The following TP53I3 variants were observed in gnomAD, a reference collection of about 807,000 sequenced individuals.
TP53I3 encodes the protein tumor protein p53 inducible protein 3.
In TP53I3, 32 loss-of-function variants were observed where a neutral mutation model predicts 27.7. That is an observed-to-expected ratio of 1.16 (90% CI 0.87 to 1.55). The LOEUF is 1.55. Among genes scored for constraint, TP53I3 ranks in the 40% most tolerant of loss-of-function variants. TP53I3 has a pLI of 0.00. For missense variants in TP53I3, 372 were observed against 412.3 expected, an observed-to-expected ratio of 0.90 and a Z score of 0.85; for synonymous variants, 138 against 167.8, an observed-to-expected ratio of 0.82 and a Z score of 1.37.
chr2:24,083,792 G>A (rs1323882051), intron 1 of TP53I3, among the ~76,000 whole-genome samples: 1 of 152,146 alleles, frequency 6.6e-6, no homozygotes, highest in Non-Finnish European at 1.5e-5. Context: ...AAAGACCTCA[G>A]CTTGAATCCC....
At position 24,080,694 on chromosome 2, in the gene TP53I3, C is replaced by A; in HGVS notation, c.619+125G>T. 2 of 1,153,226 alleles carry A rather than the reference C, an allele frequency of 1.7e-6. No homozygotes were observed. The highest frequency in any genetic ancestry group is 2.5e-6 in the Non-Finnish European group (2 of 791,210). The allele number at this position is 1,153,226 out of a possible 1,614,324, so 71.4% of individuals were successfully genotyped here. ...AAATACCATAGTACTAGAATTTGGC[C>A]AGGGCAGCTGTTGTGCACTTAGCAG... On this transcript the variant is annotated intron_variant, in intron 3 of 4. Coordinates refer to ENST00000238721, the MANE Select transcript of TP53I3 (RefSeq NM_004881.5). This position sits in a 1 kb window ranked among gnomAD's most constrained non-coding sequence, Gnocchi z 4.7.
chr2:24,083,258 T>C, intron 1 of TP53I3, 106 bp from the exon 2 acceptor site: 1 of 1,435,368 alleles, frequency 7.0e-7, no homozygotes, highest in Non-Finnish European at 9.4e-7. Context: ...CAAAAATAAA[T>C]TTCAGAATGA....
At chr2:24,083,704 GA>G (rs1665118771) in intron 1 of TP53I3, among the ~76,000 whole-genome samples, 1 of 152,178 alleles carries the variant, frequency 6.6e-6, no homozygotes, top group South Asian at 2.1e-4. Flanking sequence ...TCAGACAGAA[GA>G]AAATTCTTAA....
chr2:24,084,339 C>T lies in TP53I3; in HGVS notation c.-13G>A, dbSNP rs769183724. ...GCACGGCTAACATATTGTCTGAGGACACAGGGCAGGGCAGGGCAGGACAGG... is the reference window on the plus strand; with the variant it reads ...GCACGGCTAACATATTGTCTGAGGATACAGGGCAGGGCAGGGCAGGACAGG... On this transcript the variant is annotated 5_prime_UTR_variant, in exon 1 of 5. Transcript: ENST00000238721. This position sits in a 1 kb window ranked among gnomAD's most constrained non-coding sequence, Gnocchi z 8.4. The T allele has an allele frequency of 3.7e-6, 6 of 1,603,892 alleles. No individual in the cohort carries two copies. The highest frequency in any genetic ancestry group is 1.3e-5 in the African/African-American group (1 of 74,604).
chr2:24,082,942 G>C lies in TP53I3; in HGVS notation c.349C>G (p.Gln117Glu), dbSNP rs377602873. The change falls in exon 2 of 5, where the codon CAG becomes GAG. Residue 117 changes from glutamine to glutamate, a missense_variant. Coordinates refer to ENST00000238721, the MANE Select transcript of TP53I3 (RefSeq NM_004881.5). ...MPIPEGLTLT[Q>E]AAAIPEAWLT... is the part of the protein sequence containing the mutation. ...CAGGCCTCTGGGATGGCTGCAGCCT[G>C]GGTCAGGGTCAATCCCTCTGGGATA... is the stretch of plus-strand genomic sequence containing the variant. 2 of 1,613,630 alleles carry C rather than the reference G, an allele frequency of 1.2e-6. No individual in the cohort carries two copies. Among genetic ancestry groups the C allele is most frequent in the African/African-American group, 2.7e-5 (2 of 74,932 alleles).
chr2:24,083,398 C>A (rs1665102627), intron 1 of TP53I3, among the ~76,000 whole-genome samples: 1 of 152,176 alleles, frequency 6.6e-6, no homozygotes, highest in South Asian at 2.1e-4. Flanking sequence ...ATCTGAACCC[C>A]TTGCTTTACA....
rs1469106251 is a variant in TP53I3, at chr2:24,078,343, C to A, written c.817-582G>T. Among the ~76,000 whole-genome samples the A allele has an allele frequency of 2.0e-5, 3 of 152,086 alleles. No individual in the cohort carries two copies. In the East Asian group the frequency reaches 5.8e-4, roughly 29 times the overall value. The stretch of plus-strand genomic sequence containing the variant: ...TTGAGCCTGGGAGTTTGAGATCAGC[C>A]TGGGCAACATGGTGAAAACCTGTCT... On this transcript the variant is annotated intron_variant, in intron 4 of 4. Coordinates refer to ENST00000238721, the MANE Select transcript of TP53I3 (RefSeq NM_004881.5).
intron 1 of TP53I3, among the ~76,000 whole-genome samples, chr2:24,083,573 G>A (rs1173229143): frequency 6.6e-6 from 1 of 152,182 alleles, no homozygotes; most frequent in Non-Finnish European, 1.5e-5. Flanking sequence ...ACCACCTGAG[G>A]AGTATTTCAA....
At position 24,077,655 on chromosome 2, in the gene TP53I3, G is replaced by A. The variant is rs772369233; in HGVS notation, c.923C>T (p.Thr308Ile). The part of the protein sequence containing the change: ...LPVLDRIYPV[T>I]EIQEAHKYME... ...GTACTTATGGGCCTCCTGGATTTCG[G>A]TCACTGGGTAGATTCTGTCCAGAAC... Residue 308 changes from threonine (T) to isoleucine (I), a missense_variant, in exon 5 of 5, where the codon ACC (threonine) becomes ATC (isoleucine). By Grantham distance (89) the Thr-to-Ile change is moderately conservative. Coordinates refer to ENST00000238721, the MANE Select transcript of TP53I3 (RefSeq NM_004881.5). This position sits in a 1 kb window ranked among gnomAD's most constrained non-coding sequence, Gnocchi z 5.5. 2 of 1,613,986 alleles carry A rather than the reference G, an allele frequency of 1.2e-6. No homozygotes were observed. The highest frequency in any genetic ancestry group is 1.7e-6 in the Non-Finnish European group (2 of 1,180,010).
Position 24,084,568 on chromosome 2 carries a change from C to A in TP53I3, c.-242G>T. On this transcript the variant is annotated 5_prime_UTR_variant, in exon 1 of 5. Transcript: ENST00000238721. The surrounding 1 kb of genome is among the most constrained non-coding windows in gnomAD (Gnocchi z 8.4). ...AGTCCTCGGCCGCCTCCAGACCGATCCCACCCGGAACACAGATGGGAACGG... is the reference window on the plus strand; with the variant it reads ...AGTCCTCGGCCGCCTCCAGACCGATACCACCCGGAACACAGATGGGAACGG... 2.1e-6 allele frequency: 1 copy of A among 470,408 alleles called. No homozygotes were observed. Among genetic ancestry groups the A allele is most frequent in the African/African-American group, 2.0e-5 (1 of 48,830 alleles). 29.1% of individuals were successfully genotyped at this position (470,408 alleles called of 1,614,324 possible).
chr2:24,079,632 C>T lies in TP53I3; in HGVS notation c.628G>A (p.Val210Ile). The T allele has an allele frequency of 1.2e-6, 2 of 1,613,818 alleles. No individual in the cohort carries two copies. Among genetic ancestry groups the T allele is most frequent in the East Asian group, 2.2e-5 (1 of 44,882 alleles). The change falls in exon 4 of 5, where the codon GTT becomes ATT. Residue 210 changes from valine to isoleucine, a missense_variant. Coordinates refer to ENST00000238721, the MANE Select transcript of TP53I3 (RefSeq NM_004881.5). Reference sequence around the variant, plus strand: ...CCTATGCAGTCTAGAATAAGATTAACTCCAGCACCTTCCATAGGAAACAGA... The same window carrying T: ...CCTATGCAGTCTAGAATAAGATTAATTCCAGCACCTTCCATAGGAAACAGA... ...ATLKFTKGAG[V>I]NLILDCIGGS...
intron 4 of TP53I3, 39 bp downstream of exon 4, chr2:24,079,405 T>G: frequency 3.7e-6 from 6 of 1,602,862 alleles, no homozygotes; most frequent in Non-Finnish European, 5.1e-6. Flanking sequence ...CACACTTTTC[T>G]GGGTTAAATC....
chr2:24,080,824 G>A lies in TP53I3; in HGVS notation c.614C>T (p.Thr205Ile). 2 of 1,614,126 alleles carry A rather than the reference G, an allele frequency of 1.2e-6. No individual in the cohort carries two copies. The highest frequency in any genetic ancestry group is 1.3e-5 in the African/African-American group (1 of 75,012). Residue 205 changes from threonine (T) to isoleucine (I), a missense_variant, in exon 3 of 5, where the codon ACC becomes ATC. Coordinates refer to ENST00000238721, the MANE Select transcript of TP53I3 (RefSeq NM_004881.5). This position sits in a 1 kb window ranked among gnomAD's most constrained non-coding sequence, Gnocchi z 4.7. ...EDFSEATLKF[T>I]KGAGVNLILD... ...CTGTAGAAGCAGTTGTTTACCTTTG[G>A]TGAATTTCAGCGTTGCTTCAGAGAA...
chr2:24,079,319 G>A, intron 4 of TP53I3, 125 bp downstream of exon 4: 2 of 1,002,018 alleles, frequency 2.0e-6, no homozygotes, highest in Middle Eastern at 2.7e-4. Flanking sequence ...TATCTTCAGA[G>A]GGGGAGGTTT....
chr2:24,084,201 C>T lies in TP53I3; in HGVS notation c.126G>A (p.Ala42=), dbSNP rs145293140. Residue 42 remains alanine (A), a synonymous_variant, in exon 1 of 5, where the codon GCG becomes GCA. Transcript: ENST00000238721. The surrounding 1 kb of genome is among the most constrained non-coding windows in gnomAD (Gnocchi z 8.4). The part of the protein sequence containing the change: ...LKVAASALNR[A]DLMQRQGQYD... The stretch of plus-strand genomic sequence containing the variant: ...GAGCCCTGGGTACCTGCATTAAGTC[C>T]GCCCGGTTCAGGGCGCTGGCCGCCA... 12 of 1,612,664 alleles carry T rather than the reference C, an allele frequency of 7.4e-6. No homozygotes were observed. Among genetic ancestry groups the T allele is most frequent in the Non-Finnish European group, 1.0e-5 (12 of 1,179,634 alleles).
chr2:24,081,099 T>A, intron 2 of TP53I3, 68 bp from the exon 3 acceptor site: 1 of 1,344,646 alleles, frequency 7.4e-7, no homozygotes, highest in Non-Finnish European at 9.9e-7. Flanking sequence ...AGGCATATTC[T>A]ATCAAGATCA....
chr2:24,077,570 C>T lies in TP53I3; in HGVS notation c.*9G>A. The T allele has an allele frequency of 6.2e-7, 1 of 1,612,502 alleles. No homozygotes were observed. The highest frequency in any genetic ancestry group is 2.2e-5 in the East Asian group (1 of 44,870). On this transcript the variant is annotated 3_prime_UTR_variant, in exon 5 of 5. Transcript: ENST00000238721. This position sits in a 1 kb window ranked among gnomAD's most constrained non-coding sequence, Gnocchi z 5.5. ...GGGGTGGCCGCGTCCTGTCCTGCCC[C>T]ATCCTCCTTCACTGGGGCAGTTCCA...
At position 24,083,432 on chromosome 2, in the gene TP53I3, G is replaced by A. The variant is rs548073299; in HGVS notation, c.139-280C>T. On this transcript the variant is annotated intron_variant, in intron 1 of 4. Coordinates refer to ENST00000238721, the MANE Select transcript of TP53I3 (RefSeq NM_004881.5). ...CAGATGGAGAAACTGAGTCCCAGAC[G>A]GGAAATAATAGTAGTGGGATTAGGA... 5.9e-5 allele frequency among the ~76,000 whole-genome samples: 9 copies of A among 152,174 alleles called. No individual in the cohort carries two copies. The South Asian group carries it at 6.2e-4, about 11-fold the overall frequency.
intron 2 of TP53I3, among the ~76,000 whole-genome samples, chr2:24,081,338 A>G (rs1392419157): frequency 1.3e-5 from 2 of 152,048 alleles, no homozygotes; most frequent in Admixed American, 6.6e-5. Context: ...CATAATCTCT[A>G]TTTTACCTAT....
Sources: allele counts gnomAD v4.1 joint callset (sites outside exome capture counted in the v4.1 genomes callset), GRCh38; gene constraint gnomAD v4.1.1; non-coding constraint Gnocchi (gnomAD v3.1); transcripts MANE v1.5; gene names NCBI Gene and HGNC (gene_info 2026-07-23, HGNC 2026-07-21).